The following ELL variants were observed in gnomAD, a reference collection of about 807,000 sequenced individuals.
ELL encodes the protein elongation factor for RNA polymerase II, also known as RNA polymerase II elongation factor ELL.
ELL carries 18 observed loss-of-function variants against 64.0 expected under a neutral mutation model. The observed-to-expected ratio is 0.28, with a 90% CI of 0.19 to 0.42. The LOEUF (loss-of-function observed/expected upper bound fraction) is 0.42, where lower values mean the gene tolerates loss of function less well. ELL is among the 10% of genes least tolerant of loss of function. The probability of loss-of-function intolerance (pLI) is 1.00; values close to 1 mark genes in which losing one functional copy is unlikely to be tolerated. For synonymous variants in ELL, 399 were observed against 376.2 expected (o/e 1.06, Z -0.70); for missense variants, 797 against 870.4 (o/e 0.92, Z 1.06).
intron 1 of ELL, among the ~76,000 whole-genome samples, chr19:18,498,808 G>A (rs1568395371): frequency 6.6e-6 from 1 of 152,188 alleles, no homozygotes; most frequent in Non-Finnish European, 1.5e-5. Flanking sequence ...AAATTAGCCA[G>A]GTGTGGTGGC....
intron 1 of ELL, among the ~76,000 whole-genome samples, chr19:18,519,525 G>A (rs1249952218): frequency 1.3e-5 from 2 of 152,172 alleles, no homozygotes; most frequent in Admixed American, 1.3e-4. Flanking sequence ...TAGCCAAGCT[G>A]GCTGGGAGCA....
At chr19:18,461,964 G>T (rs897620293) in intron 4 of ELL, 112 bp from the exon 5 acceptor site, 33 of 1,355,882 alleles carry the variant, frequency 2.4e-5, no homozygotes, top group Non-Finnish European at 3.1e-5. Context: ...CTGGTGGGAG[G>T]CACCACACCA....
At position 18,445,216 on chromosome 19, in the gene ELL, A is replaced by ACACT; in HGVS notation, c.1749+4_1749+7dup. 6.2e-7 allele frequency: 1 copy of ACACT among 1,614,066 alleles called. No individual in the cohort carries two copies. Among genetic ancestry groups the ACACT allele is most frequent in the Non-Finnish European group, 8.5e-7 (1 of 1,180,008 alleles). ...CTTGGAGCCCACCCCAACACAAGAG[A>ACACT]CACTCACCTTTTTGATTTTTCGATA... is the stretch of plus-strand genomic sequence containing the variant. On this transcript the variant is annotated splice_region_variant and intron_variant, in intron 11 of 11. Coordinates refer to ENST00000262809, the MANE Select transcript of ELL (RefSeq NM_006532.4).
chr19:18,516,560 C>CA (rs1976134834), intron 1 of ELL, among the ~76,000 whole-genome samples: 2 of 130,896 alleles, frequency 1.5e-5, no homozygotes, highest in Admixed American at 7.3e-5. Context: ...GTGGGTATCC[C>CA]GCCCTGAGCC....
At chr19:18,487,314 G>A (rs938329232) in intron 1 of ELL, among the ~76,000 whole-genome samples, 3 of 152,228 alleles carry the variant, frequency 2.0e-5, no homozygotes, top group African/African-American at 7.2e-5. Flanking sequence ...CGTTACATAT[G>A]TGTCCTGAGG....
chr19:18,492,279 C>T (rs1293583463), intron 1 of ELL, among the ~76,000 whole-genome samples: 3 of 152,244 alleles, frequency 2.0e-5, no homozygotes, highest in African/African-American at 7.2e-5. Flanking sequence ...TTACAGAGGT[C>T]TCCTGCACGG....
At chr19:18,474,022 G>A (rs1274357488) in intron 1 of ELL, among the ~76,000 whole-genome samples, 3 of 152,244 alleles carry the variant, frequency 2.0e-5, no homozygotes, top group South Asian at 2.1e-4. Context: ...CGGGGTAAGC[G>A]GAGCAGCTCC....
At chr19:18,518,138 A>C (rs1369681466) in intron 1 of ELL, among the ~76,000 whole-genome samples, 2 of 151,296 alleles carry the variant, frequency 1.3e-5, no homozygotes, top group East Asian at 3.9e-4. Flanking sequence ...CAGTGAGCCA[A>C]GATAACACCA....
Position 18,461,811 on chromosome 19 carries a change from CTG to C in ELL, c.509_510del (p.Thr170ArgfsTer39). ...GCCCGCTTCCGGGAGGGCACCGCGT[CTG>C]TTGCACCTGGGGCTGGTTTCCGAAA... is the stretch of plus-strand genomic sequence containing the variant. ...VQFRKPAPGA[T>X]DAVPSRKRAT... On this transcript the variant is annotated frameshift_variant, in exon 5 of 12. Coordinates refer to ENST00000262809, the MANE Select transcript of ELL (RefSeq NM_006532.4). LOFTEE classifies it high-confidence loss of function. The C allele has an allele frequency of 6.2e-7, 1 of 1,614,020 alleles. No homozygotes were observed. The highest frequency in any genetic ancestry group is 8.5e-7 in the Non-Finnish European group (1 of 1,179,912).
rs186839809 is a variant in ELL at position 18,503,792 on chromosome 19, C to T, written c.135+18129G>A. Among the ~76,000 whole-genome samples, 13 of 152,310 alleles carry T rather than the reference C, an allele frequency of 8.5e-5. No individual in the cohort carries two copies. The East Asian group carries it at 2.1e-3, about 25-fold the overall frequency. ...CCTTGGGTCCTGCCGAGCTTCCCTCCTCAGGGAGCCTTCCCTGCTGCAGGC... is the reference window on the plus strand; with the variant it reads ...CCTTGGGTCCTGCCGAGCTTCCCTCTTCAGGGAGCCTTCCCTGCTGCAGGC... On this transcript the variant is annotated intron_variant, in intron 1 of 11. Coordinates refer to ENST00000262809, the MANE Select transcript of ELL (RefSeq NM_006532.4).
intron 1 of ELL, among the ~76,000 whole-genome samples, chr19:18,491,077 G>A (rs1975522326): frequency 6.6e-6 from 1 of 151,966 alleles, no homozygotes; most frequent in South Asian, 2.1e-4. Flanking sequence ...ATTTAAATCA[G>A]TAGACTGTTT....
chr19:18,517,590 G>A (rs897311013), intron 1 of ELL, among the ~76,000 whole-genome samples: 20 of 150,654 alleles, frequency 1.3e-4, no homozygotes, highest in African/African-American at 2.9e-4. Flanking sequence ...AAACAGACAC[G>A]TAGTTCATGC....
At chr19:18,472,611 A>G in intron 2 of ELL, 1 of 544,440 alleles carries the variant, frequency 1.8e-6, no homozygotes, top group Non-Finnish European at 3.2e-6. Flanking sequence ...CCACTGGGAG[A>G]GGAGAGCCGC....
intron 1 of ELL, among the ~76,000 whole-genome samples, chr19:18,509,205 G>A (rs565026727): frequency 2.6e-5 from 4 of 152,122 alleles, no homozygotes; most frequent in South Asian, 2.1e-4. Context: ...TGAACCAGGC[G>A]CCCTGATGCA....
intron 6 of ELL, among the ~76,000 whole-genome samples, chr19:18,452,011 C>T (rs749077090): frequency 7.9e-5 from 12 of 152,336 alleles, no homozygotes; most frequent in Middle Eastern, 3.4e-3. Flanking sequence ...CAGAAGAGAA[C>T]GGAGGGCCCT....
At chr19:18,447,942 G>A (rs1304736311) in intron 8 of ELL, among the ~76,000 whole-genome samples, 3 of 151,968 alleles carry the variant, frequency 2.0e-5, no homozygotes, top group Non-Finnish European at 4.4e-5. Context: ...ATGCCACCAT[G>A]CCCAGCTAAT....
chr19:18,503,235 T>A (rs1331544535), intron 1 of ELL, among the ~76,000 whole-genome samples: 1 of 152,150 alleles, frequency 6.6e-6, no homozygotes. Context: ...GGGCCGCGGG[T>A]ATCTTTATGG....
chr19:18,521,384 C>CA (rs1449803282), intron 1 of ELL, among the ~76,000 whole-genome samples: 1 of 152,134 alleles, frequency 6.6e-6, no homozygotes. Flanking sequence ...CAAAGCCTTC[C>CA]ACCCAGACAG....
In ELL at chr19:18,450,888, C is replaced by A; in HGVS notation, c.1054G>T (p.Val352Phe). The A allele has an allele frequency of 6.3e-7, 1 of 1,575,178 alleles. No individual in the cohort carries two copies. Among genetic ancestry groups the A allele is most frequent in the South Asian group, 1.1e-5 (1 of 87,126 alleles). ...SHFTQRAQPA[V>F]NGKLGVPNGR... Reference sequence around the variant, plus strand: ...TTGGGCACGCCCAGCTTCCCGTTGACGGCAGGCTGAGCTCTCTGAGTGAAG... The same window carrying A: ...TTGGGCACGCCCAGCTTCCCGTTGAAGGCAGGCTGAGCTCTCTGAGTGAAG... The change falls in exon 8 of 12, where the codon GTC becomes TTC. Residue 352 changes from valine (V) to phenylalanine (F), a missense_variant. By Grantham distance (50) the Val-to-Phe change is conservative. Coordinates refer to ENST00000262809, the MANE Select transcript of ELL (RefSeq NM_006532.4).
Sources: gnomAD v4.1 joint callset for allele counts (sites outside exome capture counted in the v4.1 genomes callset) on GRCh38, gnomAD v4.1.1 for gene constraint, MANE v1.5 for transcripts, NCBI Gene and HGNC (gene_info 2026-07-23, HGNC 2026-07-21) for gene names.